The following PTPRD variants were observed in gnomAD, a reference collection of about 807,000 sequenced individuals.
PTPRD encodes the protein protein tyrosine phosphatase receptor type D.
In PTPRD, 34 loss-of-function variants were observed where a neutral mutation model predicts 214.5. The observed-to-expected ratio is 0.16, with a 90% CI of 0.12 to 0.21. PTPRD has a LOEUF of 0.21. Among genes scored for constraint, PTPRD ranks in the 10% least tolerant of loss-of-function variants. PTPRD has a pLI of 1.00. For missense variants in PTPRD, 2,545 were observed against 2,398.7 expected (o/e 1.06, Z -1.27); for synonymous variants, 1,128 against 845.7 (o/e 1.33, Z -5.79).
chr9:9,482,364 T>C (rs763162964), intron 8 of PTPRD, among the ~76,000 whole-genome samples: 7 of 152,196 alleles, frequency 4.6e-5, no homozygotes, highest in Non-Finnish European at 1.0e-4. Flanking sequence ...CAATATCTAG[T>C]CTTGTTTAAA....
intron 2 of PTPRD, among the ~76,000 whole-genome samples, chr9:10,394,453 G>C (rs540890929): frequency 1.5e-4 from 23 of 151,594 alleles, no homozygotes; most frequent in Non-Finnish European, 3.1e-4. Context: ...CTATCACTTA[G>C]TAGCAGTATG....
intron 9 of PTPRD, among the ~76,000 whole-genome samples, chr9:9,245,371 A>G (rs1285459869): frequency 1.3e-5 from 2 of 152,288 alleles, no homozygotes; most frequent in East Asian, 3.9e-4. Context: ...AACCAACCCA[A>G]ATTTCCAACA....
intron 11 of PTPRD, among the ~76,000 whole-genome samples, chr9:8,918,565 A>G (rs930017731): frequency 2.0e-5 from 3 of 151,994 alleles, no homozygotes; most frequent in Non-Finnish European, 4.4e-5. Context: ...GTGTGTGTGT[A>G]TGTGCGTGTG....
chr9:9,796,774 T>C (rs933383998), intron 5 of PTPRD, among the ~76,000 whole-genome samples: 2 of 152,168 alleles, frequency 1.3e-5, no homozygotes, highest in Non-Finnish European at 2.9e-5. Context: ...CCATGAGGAC[T>C]GAGAAAAGGA....
intron 6 of PTPRD, among the ~76,000 whole-genome samples, chr9:9,753,770 A>T (rs534513428): frequency 6.6e-6 from 1 of 152,130 alleles, no homozygotes; most frequent in East Asian, 1.9e-4. Context: ...TTTTAAATTC[A>T]GAGGTCACCA....
chr9:8,614,306 C>A (rs2095541612), intron 14 of PTPRD, among the ~76,000 whole-genome samples: 1 of 152,136 alleles, frequency 6.6e-6, no homozygotes, highest in African/African-American at 2.4e-5. Flanking sequence ...CCAACACATG[C>A]AGTCACAGCT....
chr9:9,301,965 C>A (rs889060746), intron 9 of PTPRD, among the ~76,000 whole-genome samples: 18 of 151,820 alleles, frequency 1.2e-4, no homozygotes, highest in Non-Finnish European at 8.8e-5. Flanking sequence ...TATGTTGGTT[C>A]ATTCACTATT....
chr9:9,030,276 C>CTTTTTTTTTTTTTT (rs71317396), intron 10 of PTPRD, among the ~76,000 whole-genome samples: 5 of 37,920 alleles, frequency 1.3e-4, no homozygotes, highest in African/African-American at 5.4e-4. Flanking sequence ...CACACTTGGG[C>CTTTTTTTTTTTTTT]TTTTTTTTTT....
At chr9:9,719,115 C>T (rs1479428243) in intron 7 of PTPRD, among the ~76,000 whole-genome samples, 3 of 152,148 alleles carry the variant, frequency 2.0e-5, no homozygotes, top group Non-Finnish European at 4.4e-5. Context: ...ACTGACAAAA[C>T]AGCATGCACT....
At chr9:8,601,272 T>C (rs2094843061) in intron 14 of PTPRD, among the ~76,000 whole-genome samples, 1 of 152,204 alleles carries the variant, frequency 6.6e-6, no homozygotes, top group South Asian at 2.1e-4. Flanking sequence ...CTCCAGTCCC[T>C]GGCTCCCAGA....
intron 7 of PTPRD, among the ~76,000 whole-genome samples, chr9:9,579,468 T>C (rs996373163): frequency 6.6e-6 from 1 of 152,128 alleles, no homozygotes; most frequent in Non-Finnish European, 1.5e-5. Flanking sequence ...ACATACAGGA[T>C]GTGTAGGCTT....
intron 3 of PTPRD, among the ~76,000 whole-genome samples, chr9:10,186,004 G>C (rs926882289): frequency 6.6e-6 from 1 of 152,070 alleles, no homozygotes; most frequent in Non-Finnish European, 1.5e-5. Flanking sequence ...AATGGCTCAG[G>C]TTTGAGAGGT....
chr9:9,233,989 T>C (rs537386840), intron 9 of PTPRD, among the ~76,000 whole-genome samples: 9 of 152,246 alleles, frequency 5.9e-5, no homozygotes, highest in African/African-American at 1.9e-4. Flanking sequence ...GCCCTTTTTT[T>C]CAAAGCTCCA....
intron 14 of PTPRD, among the ~76,000 whole-genome samples, chr9:8,548,720 G>GTTTT (rs2081080610): frequency 1.3e-5 from 1 of 74,358 alleles, no homozygotes. Context: ...TTGAGACGGA[G>GTTTT]TTTCTCTCTT....
At chr9:9,638,492 A>C (rs183866741) in intron 7 of PTPRD, among the ~76,000 whole-genome samples, 13 of 152,320 alleles carry the variant, frequency 8.5e-5, no homozygotes, top group African/African-American at 3.1e-4. Context: ...AAAAGTCTTC[A>C]CTGACATGAT....
intron 8 of PTPRD, among the ~76,000 whole-genome samples, chr9:9,410,551 C>T (rs140355591): frequency 9.6e-4 from 146 of 152,104 alleles, no homozygotes; most frequent in African/African-American, 3.3e-3. Flanking sequence ...AAGCAAAAAC[C>T]AGAGTAGCCA....
At chr9:10,485,032 T>A (rs1466426633) in intron 2 of PTPRD, among the ~76,000 whole-genome samples, 2 of 152,074 alleles carry the variant, frequency 1.3e-5, no homozygotes, top group East Asian at 3.9e-4. Flanking sequence ...TACTTGATTT[T>A]TTTTTTGCAT....
intron 3 of PTPRD, among the ~76,000 whole-genome samples, chr9:10,283,125 T>TACACACAC (rs58492445): frequency 0.036 from 5,330 of 149,450 alleles, 186 homozygotes; most frequent in East Asian, 0.14. Flanking sequence ...CCTGCATATG[T>TACACACAC]ACACACACAC....
rs551401899 is a variant in PTPRD, at chr9:9,367,838, A to G, written c.-203+29611T>C. Among the ~76,000 whole-genome samples the G allele has an allele frequency of 9.9e-5, 15 of 151,820 alleles. No homozygotes were observed. In the South Asian group the frequency reaches 3.1e-3, roughly 31 times the overall value. On this transcript the variant is annotated intron_variant, in intron 9 of 45. Transcript: ENST00000381196. ...AAAGGTGACATTTGTACAATCTCAC[A>G]GTCTTTTTATGTATTCTGTTCCTAG...
Sources: allele counts gnomAD v4.1 joint callset (sites outside exome capture counted in the v4.1 genomes callset), GRCh38; gene constraint gnomAD v4.1.1; transcripts MANE v1.5; gene names NCBI Gene and HGNC (gene_info 2026-07-23, HGNC 2026-07-21).